MYO9A: variants seen among roughly 807,000 people sequenced by gnomAD.
The protein encoded by MYO9A is unconventional myosin-IXa.
MYO9A carries 103 observed loss-of-function variants against 293.3 expected under a neutral mutation model. The observed-to-expected ratio is 0.35, with a 90% CI of 0.30 to 0.41. MYO9A has a LOEUF of 0.41. Ranked by LOEUF, MYO9A falls within the 10% of genes least tolerant of loss-of-function variation. The probability of loss-of-function intolerance (pLI) is 1.00; values close to 1 mark genes in which losing one functional copy is unlikely to be tolerated. For synonymous variants in MYO9A, 1,001 were observed against 1,035.7 expected (o/e 0.97, Z 0.64); for missense variants, 2,685 against 3,033.0 (o/e 0.89, Z 2.69).
intron 39 of MYO9A, among the ~76,000 whole-genome samples, chr15:71,844,124 CTTAAT>C (rs1356288052): frequency 6.6e-6 from 1 of 152,208 alleles, no homozygotes; most frequent in Non-Finnish European, 1.5e-5. Context: ...TCTCCATCTG[CTTAAT>C]TTAAACTCAT....
At chr15:71,911,144 A>T (rs942089520) in intron 19 of MYO9A, among the ~76,000 whole-genome samples, 8 of 152,122 alleles carry the variant, frequency 5.3e-5, no homozygotes, top group Non-Finnish European at 1.2e-4. Context: ...ACTATCTTTT[A>T]AAAAAATACA....
At chr15:71,905,584 G>T (rs2057608134) in intron 19 of MYO9A, among the ~76,000 whole-genome samples, 1 of 151,832 alleles carries the variant, frequency 6.6e-6, no homozygotes, top group Admixed American at 6.6e-5. Flanking sequence ...TCAGAAGTTT[G>T]AGACCAGCCT....
intron 15 of MYO9A, among the ~76,000 whole-genome samples, chr15:71,947,529 T>A (rs1365457024): frequency 6.6e-6 from 1 of 152,226 alleles, no homozygotes; most frequent in Non-Finnish European, 1.5e-5. Flanking sequence ...CCTTATGAAA[T>A]TTTTTCAACT....
chr15:71,963,002 T>C (rs1017633237), intron 13 of MYO9A, among the ~76,000 whole-genome samples: 1 of 152,212 alleles, frequency 6.6e-6, no homozygotes, highest in Non-Finnish European at 1.5e-5. Context: ...TTACCTCCTA[T>C]ACTGCCCTTC....
intron 1 of MYO9A, among the ~76,000 whole-genome samples, chr15:72,055,769 C>T (rs184910483): frequency 3.1e-4 from 47 of 152,062 alleles, no homozygotes; most frequent in African/African-American, 1.1e-3. Context: ...GTGATACCAC[C>T]TTACTCCTGC....
intron 39 of MYO9A, among the ~76,000 whole-genome samples, chr15:71,841,281 G>A (rs2055149768): frequency 6.6e-6 from 1 of 152,044 alleles, no homozygotes; most frequent in East Asian, 1.9e-4. Flanking sequence ...TGGGGATAAT[G>A]GATAGCATTG....
At chr15:71,983,448 T>C (rs2076325249) in intron 11 of MYO9A, among the ~76,000 whole-genome samples, 1 of 150,834 alleles carries the variant, frequency 6.6e-6, no homozygotes, top group African/African-American at 2.4e-5. Flanking sequence ...AAACATTAAA[T>C]AGTTTTTTAT....
chr15:71,916,598 T>C, intron 18 of MYO9A, 106 bp from the exon 19 acceptor site: 1 of 1,079,338 alleles, frequency 9.3e-7, no homozygotes, highest in Admixed American at 2.3e-5. Context: ...ATTTCCCATC[T>C]TAAATGACTG....
chr15:71,827,950 T>C lies in MYO9A; in HGVS notation c.7117A>G (p.Ile2373Val), dbSNP rs775492882. Residue 2373 changes from isoleucine (I) to valine (V), a missense_variant, in exon 41 of 42, where the codon ATT becomes GTT. By Grantham distance (29) the Ile-to-Val change is conservative (BLOSUM62 3). Around this residue, in one of 10 missense-constraint regions of MYO9A, gnomAD observed 350 missense variants for 328.9 expected, o/e 1.06. Transcript: ENST00000356056. ...TTCTCTGAGCTATCAGCAGTCCCAA[T>C]GGAGGCCTCAGACTCAAGGGTTTCA... ...DDETLESEAS[I>V]GTADSSENLN... is the part of the protein sequence containing the mutation. The C allele has an allele frequency of 5.3e-5, 85 of 1,613,790 alleles. 1 individual carries two copies. The South Asian group carries it at 9.2e-4, about 18-fold the overall frequency.
At chr15:71,907,700 G>A (rs368930166) in intron 19 of MYO9A, among the ~76,000 whole-genome samples, 4 of 150,992 alleles carry the variant, frequency 2.6e-5, no homozygotes, top group Admixed American at 6.6e-5. Context: ...GCCAGTGATG[G>A]TGAGCATTTT....
At position 71,898,966 on chromosome 15, in the gene MYO9A, C is replaced by G; in HGVS notation, c.3537G>C (p.Lys1179Asn). The G allele has an allele frequency of 6.2e-7, 1 of 1,613,804 alleles. No homozygotes were observed. The highest frequency in any genetic ancestry group is 8.5e-7 in the Non-Finnish European group (1 of 1,179,734). Reference sequence around the variant, plus strand: ...CCTGAATTTCCAGAGATCCATATCCCTTAATATTCACCAATCCAACTTCTG... The same window carrying G: ...CCTGAATTTCCAGAGATCCATATCCGTTAATATTCACCAATCCAACTTCTG... ...TKPEVGLVNI[K>N]GYGSLEIQGS... Residue 1179 changes from lysine to asparagine, a missense_variant, in exon 25 of 42, where the codon AAG becomes AAC. Transcript: ENST00000356056.
chr15:72,082,579 G>C (rs1477042331), intron 1 of MYO9A, among the ~76,000 whole-genome samples: 1 of 152,018 alleles, frequency 6.6e-6, no homozygotes, highest in Non-Finnish European at 1.5e-5. Context: ...CCAATACTAT[G>C]TTGAATTAGG....
intron 18 of MYO9A, among the ~76,000 whole-genome samples, chr15:71,923,237 A>G (rs1253072661): frequency 2.6e-5 from 4 of 152,120 alleles, no homozygotes; most frequent in African/African-American, 9.7e-5. Flanking sequence ...CTTAGTCATG[A>G]TGTTATCTTT....
intron 3 of MYO9A, among the ~76,000 whole-genome samples, chr15:72,031,722 A>G (rs1316604455): frequency 6.6e-6 from 1 of 151,850 alleles, no homozygotes; most frequent in Non-Finnish European, 1.5e-5. Flanking sequence ...CACTGCTCTA[A>G]AAAATAGTCT....
intron 27 of MYO9A, among the ~76,000 whole-genome samples, chr15:71,886,534 CT>C (rs2057025486): frequency 6.6e-6 from 1 of 152,012 alleles, no homozygotes; most frequent in Non-Finnish European, 1.5e-5. Flanking sequence ...CAGAGATACT[CT>C]GTTTTATACT....
intron 36 of MYO9A, among the ~76,000 whole-genome samples, chr15:71,851,760 T>A (rs532084311): frequency 6.6e-6 from 1 of 152,314 alleles, no homozygotes; most frequent in East Asian, 1.9e-4. Context: ...CCTGTTAAGC[T>A]TGGCATAAAA....
At position 71,826,644 on chromosome 15, in the gene MYO9A, A is replaced by C; in HGVS notation, c.7583T>G (p.Val2528Gly). ...GTVMSGRRKT[V>G]DPDCTSNQQL... Reference sequence around the variant, plus strand: ...TTGGTTGGAGGTGCAGTCTGGGTCCACAGTTTTTCTGCGGCCAGACATGAC... The same window carrying C: ...TTGGTTGGAGGTGCAGTCTGGGTCCCCAGTTTTTCTGCGGCCAGACATGAC... The change falls in exon 42 of 42, where the codon GTG (valine) becomes GGG (glycine). Residue 2528 changes from valine (V) to glycine (G), a missense_variant. Val to Gly is a moderately radical substitution (Grantham distance 109). Coordinates refer to ENST00000356056, the MANE Select transcript of MYO9A (RefSeq NM_006901.4). 2 of 1,613,076 alleles carry C rather than the reference A, an allele frequency of 1.2e-6. No homozygotes were observed. The highest frequency in any genetic ancestry group is 1.7e-6 in the Non-Finnish European group (2 of 1,179,786).
rs1437535110 is a variant in MYO9A, at chr15:71,826,484, T to TAGGATTGACTATTGTGGACGAGGTGATGA, written c.*67_*95dup. ...CTTAGAAAAGAGGCAGGACCACAAT[T>TAGGATTGACTATTGTGGACGAGGTGATGA]AGGATTGACTATTGTGGACGAGGTG... On this transcript the variant is annotated 3_prime_UTR_variant, in exon 42 of 42. Transcript: ENST00000356056. 1.5e-5 allele frequency: 18 copies of TAGGATTGACTATTGTGGACGAGGTGATGA among 1,202,972 alleles called. No individual in the cohort carries two copies. The highest frequency in any genetic ancestry group is 9.6e-5 in the Admixed American group (4 of 41,830). The allele number at this position is 1,202,972 out of a possible 1,614,324, so 74.5% of individuals were successfully genotyped here. A position where few individuals can be genotyped will look rare whatever the true frequency, so the allele number is the denominator to read the frequency against.
chr15:71,956,818 ATATATGC>A (rs766760982), intron 14 of MYO9A, among the ~76,000 whole-genome samples: 46 of 144,340 alleles, frequency 3.2e-4, no homozygotes, highest in Middle Eastern at 3.6e-3. Flanking sequence ...TATATATGCT[ATATATGC>A]TATATATATA....
Sources: allele counts gnomAD v4.1 joint callset (sites outside exome capture counted in the v4.1 genomes callset), GRCh38; gene constraint gnomAD v4.1.1; regional missense constraint gnomAD v4.1.1; transcripts MANE v1.5; gene names NCBI Gene and HGNC (gene_info 2026-07-23, HGNC 2026-07-21).